GNAQ: variants seen among roughly 807,000 people sequenced by gnomAD.
GNAQ encodes the protein guanine nucleotide-binding protein G(q) subunit alpha.
Under a neutral mutation model 43.9 loss-of-function variants are expected in GNAQ, and 8 were observed. That is an observed-to-expected ratio of 0.18 (90% CI 0.11 to 0.33). The LOEUF is 0.33. Among genes scored for constraint, GNAQ ranks in the 10% least tolerant of loss-of-function variants. The pLI is 1.00. For synonymous variants in GNAQ, 155 were observed against 170.7 expected (o/e 0.91, Z 0.71); for missense variants, 158 against 450.8 (o/e 0.35, Z 5.88).
intron 3 of GNAQ, among the ~76,000 whole-genome samples, chr9:77,807,542 G>C (rs779835071): frequency 6.6e-6 from 1 of 152,158 alleles, no homozygotes; most frequent in Non-Finnish European, 1.5e-5. Context: ...GTGGCATTTA[G>C]TGGTACGTCC....
chr9:77,813,195 G>A (rs919818874), intron 3 of GNAQ, among the ~76,000 whole-genome samples: 2 of 152,176 alleles, frequency 1.3e-5, no homozygotes, highest in African/African-American at 4.8e-5. Context: ...TGGGATTACA[G>A]GCGTAAGCCA....
intron 6 of GNAQ, among the ~76,000 whole-genome samples, chr9:77,727,941 G>A (rs909431005): frequency 2.6e-5 from 4 of 152,030 alleles, no homozygotes; most frequent in African/African-American, 9.7e-5. Flanking sequence ...ATACACAATT[G>A]GTCAAAACTA....
intron 2 of GNAQ, among the ~76,000 whole-genome samples, chr9:77,851,130 T>A (rs1169451995): frequency 6.6e-6 from 1 of 152,228 alleles, no homozygotes; most frequent in Non-Finnish European, 1.5e-5. Flanking sequence ...ACACTTAACA[T>A]ACTTGTTTTA....
At chr9:77,877,738 TTATGAGACAAG>T (rs1828146927) in intron 2 of GNAQ, among the ~76,000 whole-genome samples, 1 of 152,216 alleles carries the variant, frequency 6.6e-6, no homozygotes, top group Non-Finnish European at 1.5e-5. Flanking sequence ...TGACCCATTT[TTATGAGACAAG>T]GGCAGGAGAA....
chr9:77,797,312 C>T (rs1233716495), intron 4 of GNAQ, among the ~76,000 whole-genome samples: 3 of 152,162 alleles, frequency 2.0e-5, no homozygotes, highest in African/African-American at 4.8e-5. Flanking sequence ...GGATAACAGG[C>T]GTGAGCCACC....
At chr9:77,785,808 A>T (rs567512166) in intron 5 of GNAQ, among the ~76,000 whole-genome samples, 1 of 152,322 alleles carries the variant, frequency 6.6e-6, no homozygotes, top group African/African-American at 2.4e-5. Flanking sequence ...ATGAAATCAC[A>T]ATTTGAAGCA....
intron 1 of GNAQ, among the ~76,000 whole-genome samples, chr9:78,009,842 T>A (rs1305390217): frequency 6.6e-6 from 1 of 150,978 alleles, no homozygotes; most frequent in African/African-American, 2.4e-5. Context: ...AGCAAATACA[T>A]GATAAAGGGA....
At chr9:77,796,705 A>T (rs561520714) in intron 4 of GNAQ, among the ~76,000 whole-genome samples, 12 of 152,328 alleles carry the variant, frequency 7.9e-5, no homozygotes, top group African/African-American at 2.6e-4. Context: ...TTTTCAAGCA[A>T]CATATTTTAT....
At chr9:77,976,274 G>A (rs1823300482) in intron 1 of GNAQ, among the ~76,000 whole-genome samples, 1 of 152,188 alleles carries the variant, frequency 6.6e-6, no homozygotes, top group African/African-American at 2.4e-5. Context: ...AACAATCAAG[G>A]CTGAAGAACA....
intron 2 of GNAQ, among the ~76,000 whole-genome samples, chr9:77,834,985 T>C (rs932960844): frequency 2.0e-5 from 3 of 152,098 alleles, no homozygotes; most frequent in Admixed American, 1.3e-4. Flanking sequence ...CCTCCTTACC[T>C]GAGGGAGATG....
chr9:77,838,502 T>G (rs965642712), intron 2 of GNAQ, among the ~76,000 whole-genome samples: 1 of 152,028 alleles, frequency 6.6e-6, no homozygotes, highest in Admixed American at 6.6e-5. Flanking sequence ...ATGAAATCTG[T>G]GTGCCCAAAC....
At chr9:78,030,501 C>T (rs1824037849) in intron 1 of GNAQ, 1 of 470,840 alleles carries the variant, frequency 2.1e-6, no homozygotes, top group Admixed American at 2.4e-5. Flanking sequence ...GGGCCAACCA[C>T]TTGGCTTCCT....
chr9:77,761,465 C>T (rs1170517314), intron 5 of GNAQ, among the ~76,000 whole-genome samples: 108 of 126,702 alleles, frequency 8.5e-4, no homozygotes, highest in African/African-American at 1.7e-3. Flanking sequence ...GTCAGCCCCC[C>T]GCCTGGCCAG....
rs1389718000 is a variant in GNAQ, at chr9:77,717,594, A to C, written c.*3729T>G. On this transcript the variant is annotated 3_prime_UTR_variant, in exon 7 of 7. Coordinates refer to ENST00000286548, the MANE Select transcript of GNAQ (RefSeq NM_002072.5). ...CAATTCCTAACTTAAGACAACTAAA[A>C]TTTACAATCATGTGGCAGTATAAAT... The C allele has an allele frequency of 8.6e-6, 2 of 232,222 alleles. No individual in the cohort carries two copies. Among genetic ancestry groups the C allele is most frequent in the Non-Finnish European group, 1.7e-5 (2 of 117,566 alleles). The allele number at this position is 232,222 out of a possible 1,614,324, so 14.4% of individuals were successfully genotyped here.
chr9:77,853,118 C>T (rs1052333869), intron 2 of GNAQ, among the ~76,000 whole-genome samples: 11 of 152,052 alleles, frequency 7.2e-5, no homozygotes, highest in Admixed American at 2.0e-4. Flanking sequence ...ACTATGATAA[C>T]GGGAAGAAAA....
At chr9:77,792,469 CAT>C (rs896472104) in intron 5 of GNAQ, among the ~76,000 whole-genome samples, 1 of 151,922 alleles carries the variant, frequency 6.6e-6, no homozygotes, top group Non-Finnish European at 1.5e-5. Context: ...TTCTAATTAA[CAT>C]AATATACTTT....
rs1292913751 is a variant in GNAQ, at chr9:77,964,826, G to GT, written c.137-42482dup. ...GGTAAATAGGTAGTACCAGACACCT[G>GT]TATTTAAAAATACAGAACTCATTTT... is the stretch of plus-strand genomic sequence containing the variant. On this transcript the variant is annotated intron_variant, in intron 1 of 6. Coordinates refer to ENST00000286548, the MANE Select transcript of GNAQ (RefSeq NM_002072.5). Among the ~76,000 whole-genome samples the GT allele has an allele frequency of 5.9e-5, 9 of 152,246 alleles. No individual in the cohort carries two copies. In the South Asian group the frequency reaches 1.9e-3, roughly 32 times the overall value.
At chr9:77,951,948 C>T (rs1324093570) in intron 1 of GNAQ, among the ~76,000 whole-genome samples, 5 of 152,228 alleles carry the variant, frequency 3.3e-5, no homozygotes, top group African/African-American at 1.2e-4. Context: ...TCCCATGAAT[C>T]TCAGGCCTTC....
chr9:78,025,401 G>A (rs1823965683), intron 1 of GNAQ, among the ~76,000 whole-genome samples: 1 of 152,074 alleles, frequency 6.6e-6, no homozygotes, highest in Non-Finnish European at 1.5e-5. Context: ...AAACGTTCAC[G>A]GTTTACTGTA....
Sources: gnomAD v4.1 joint callset for allele counts (sites outside exome capture counted in the v4.1 genomes callset) on GRCh38, gnomAD v4.1.1 for gene constraint, MANE v1.5 for transcripts, NCBI Gene and HGNC (gene_info 2026-07-23, HGNC 2026-07-21) for gene names.